Variants in CNTNAP2 observed in about 807,000 individuals in gnomAD.
CNTNAP2 encodes the protein contactin-associated protein-like 2.
A neutral mutation model predicts 155.2 loss-of-function variants in CNTNAP2; 98 were observed. That is an observed-to-expected ratio of 0.63 (90% CI 0.54 to 0.75). The LOEUF (loss-of-function observed/expected upper bound fraction) is 0.75. Ranked by LOEUF, CNTNAP2 falls within the 30% of genes least tolerant of loss-of-function variation. The pLI, the probability that CNTNAP2 is intolerant of heterozygous loss-of-function variation, is 0.00. For synonymous variants in CNTNAP2, 651 were observed against 631.2 expected (o/e 1.03, Z -0.47); for missense variants, 1,727 against 1,688.1 (o/e 1.02, Z -0.40).
intron 1 of CNTNAP2, among the ~76,000 whole-genome samples, chr7:146,169,643 T>C (rs942526720): frequency 2.6e-5 from 4 of 151,742 alleles, no homozygotes; most frequent in African/African-American, 9.7e-5. Context: ...TCTGATCCCC[T>C]GACAACCACC....
chr7:148,100,416 T>A (rs10234506), intron 15 of CNTNAP2, among the ~76,000 whole-genome samples: 3 of 152,228 alleles, frequency 2.0e-5, no homozygotes, highest in Non-Finnish European at 4.4e-5. Context: ...CACATACAGA[T>A]GCATGTATGC....
intron 21 of CNTNAP2, among the ~76,000 whole-genome samples, chr7:148,329,406 G>A (rs1434276238): frequency 6.6e-6 from 1 of 152,128 alleles, no homozygotes; most frequent in African/African-American, 2.4e-5. Flanking sequence ...GTCACGGACA[G>A]CCCCCTGTGG....
chr7:146,747,707 T>C (rs74529040), intron 1 of CNTNAP2, among the ~76,000 whole-genome samples: 3,886 of 152,312 alleles, frequency 0.026, 58 homozygotes, highest in Non-Finnish European at 0.037. Flanking sequence ...ATGTGTGTTA[T>C]GTAAGTGTGA....
At chr7:148,058,062 G>A (rs17546930) in intron 15 of CNTNAP2, among the ~76,000 whole-genome samples, 5,968 of 151,316 alleles carry the variant, frequency 0.039, 203 homozygotes, top group Admixed American at 0.11. Context: ...CAAGTTTATT[G>A]GTATAATCCT....
intron 1 of CNTNAP2, among the ~76,000 whole-genome samples, chr7:146,572,471 T>C (rs990535940): frequency 1.8e-4 from 27 of 152,104 alleles, no homozygotes; most frequent in Admixed American, 3.9e-4. Context: ...ATGGGTTACA[T>C]TGCTATTAAC....
intron 3 of CNTNAP2, among the ~76,000 whole-genome samples, chr7:146,930,308 T>C (rs1024788108): frequency 4.3e-4 from 66 of 152,204 alleles, no homozygotes; most frequent in Middle Eastern, 3.4e-3. Context: ...AAAAGAATTT[T>C]CAACCCAGAA....
chr7:147,988,074 G>A (rs1342715651), intron 15 of CNTNAP2, among the ~76,000 whole-genome samples: 2 of 152,152 alleles, frequency 1.3e-5, no homozygotes, highest in African/African-American at 4.8e-5. Flanking sequence ...AGAAAGGCGG[G>A]ACAACTCAAA....
chr7:147,380,358 A>T (rs2116930706), intron 9 of CNTNAP2, among the ~76,000 whole-genome samples: 1 of 152,266 alleles, frequency 6.6e-6, no homozygotes, highest in Middle Eastern at 3.4e-3. Flanking sequence ...ATCACGCTTC[A>T]TCAATAAACA....
At chr7:146,700,420 T>C (rs1025051374) in intron 1 of CNTNAP2, among the ~76,000 whole-genome samples, 3 of 152,164 alleles carry the variant, frequency 2.0e-5, no homozygotes, top group Non-Finnish European at 4.4e-5. Flanking sequence ...AAAAGTCAGA[T>C]AAGACTAATC....
chr7:146,512,004 T>C (rs891782273), intron 1 of CNTNAP2, among the ~76,000 whole-genome samples: 1 of 152,070 alleles, frequency 6.6e-6, no homozygotes. Context: ...TCTTGGTAAG[T>C]TGTATGTACC....
chr7:148,356,381 C>T (rs1396921394), intron 21 of CNTNAP2, among the ~76,000 whole-genome samples: 1 of 152,182 alleles, frequency 6.6e-6, no homozygotes, highest in African/African-American at 2.4e-5. Flanking sequence ...TGTGCTCTGA[C>T]TTACAAAGTC....
intron 8 of CNTNAP2, among the ~76,000 whole-genome samples, chr7:147,190,856 ATGTTAAC>A (rs1223890968): frequency 6.6e-6 from 1 of 152,186 alleles, no homozygotes; most frequent in Non-Finnish European, 1.5e-5. Flanking sequence ...AATATGAAAA[ATGTTAAC>A]TGAACCGATC....
intron 13 of CNTNAP2, among the ~76,000 whole-genome samples, chr7:147,683,729 C>CTTT (rs10716798): frequency 3.7e-5 from 5 of 134,458 alleles, no homozygotes; most frequent in Admixed American, 7.6e-5. Flanking sequence ...CACACTCAAG[C>CTTT]TTTTTTTTTT....
chr7:146,536,698 A>G (rs936143477), intron 1 of CNTNAP2, among the ~76,000 whole-genome samples: 1 of 151,652 alleles, frequency 6.6e-6, no homozygotes, highest in African/African-American at 2.4e-5. Context: ...TCACTTGTTT[A>G]TTGCTGTGTG....
intron 1 of CNTNAP2, among the ~76,000 whole-genome samples, chr7:146,322,444 G>C (rs1240255049): frequency 6.6e-6 from 1 of 152,006 alleles, no homozygotes; most frequent in Non-Finnish European, 1.5e-5. Context: ...TGGAAACGTA[G>C]CAGTTATCTA....
intron 8 of CNTNAP2, among the ~76,000 whole-genome samples, chr7:147,239,930 G>A (rs187374250): frequency 2.3e-4 from 35 of 152,074 alleles, no homozygotes; most frequent in African/African-American, 8.4e-4. Context: ...AAAGTTTTTG[G>A]GGTACAAGTG....
At chr7:146,179,569 G>T (rs573457424) in intron 1 of CNTNAP2, among the ~76,000 whole-genome samples, 1 of 152,050 alleles carries the variant, frequency 6.6e-6, no homozygotes, top group African/African-American at 2.4e-5. Context: ...TGTTTTTCGA[G>T]AATTATTAAA....
At chr7:146,463,690 A>C in intron 1 of CNTNAP2, among the ~76,000 whole-genome samples, 1 of 152,284 alleles carries the variant, frequency 6.6e-6, no homozygotes, top group Middle Eastern at 3.4e-3. Context: ...TATTATATAC[A>C]TGTATACAGA....
At chr7:146,680,046 T>G (rs1800474365) in intron 1 of CNTNAP2, among the ~76,000 whole-genome samples, 1 of 152,184 alleles carries the variant, frequency 6.6e-6, no homozygotes, top group Non-Finnish European at 1.5e-5. Context: ...TCAGAAACCA[T>G]CCTTAGAAGC....
Sources: gnomAD v4.1 joint callset for allele counts (sites outside exome capture counted in the v4.1 genomes callset) on GRCh38, gnomAD v4.1.1 for gene constraint, MANE v1.5 for transcripts, NCBI Gene and HGNC (gene_info 2026-07-23, HGNC 2026-07-21) for gene names.